Variants in PCDHGB3 observed in about 807,000 individuals in gnomAD.
PCDHGB3 encodes the protein protocadherin gamma-B3.
In PCDHGB3, 40 loss-of-function variants were observed where a neutral mutation model predicts 59.2. The ratio of observed to expected loss-of-function variants is 0.68; its 90% CI spans 0.52 to 0.88. PCDHGB3 has a LOEUF of 0.88. Among genes scored for constraint, PCDHGB3 ranks in the 40% least tolerant of loss-of-function variants. PCDHGB3 has a pLI of 0.00. For synonymous variants in PCDHGB3, 581 were observed against 503.6 expected, an observed-to-expected ratio of 1.15 and a Z score of -2.06; for missense variants, 1,309 against 1,187.9, an observed-to-expected ratio of 1.10 and a Z score of -1.50.
At chr5:141,399,148 C>T (rs2150776580) in intron 1 of PCDHGB3, 2 of 1,613,684 alleles carry the variant, frequency 1.2e-6, no homozygotes, top group Non-Finnish European at 1.7e-6. Context: ...TGACAATAGC[C>T]CAGAAGTTAC....
intron 1 of PCDHGB3, chr5:141,430,886 T>C: frequency 6.2e-7 from 1 of 1,605,190 alleles, no homozygotes; most frequent in Non-Finnish European, 8.5e-7. Context: ...GGAGAAAGGC[T>C]CTAGGGTGGG....
At chr5:141,376,299 A>T (rs1314928354) in intron 1 of PCDHGB3, 2 of 1,614,164 alleles carry the variant, frequency 1.2e-6, no homozygotes, top group Non-Finnish European at 1.7e-6. Flanking sequence ...CCCGGCTCGC[A>T]CTTTGTGGGC....
At position 141,491,682 on chromosome 5, in the gene PCDHGB3, G is replaced by A. The variant is rs11952292; in HGVS notation, c.2416-3125G>A. The A allele has an allele frequency of 1.9e-6, 3 of 1,613,150 alleles. No individual in the cohort carries two copies. Among genetic ancestry groups the A allele is most frequent in the South Asian group, 1.1e-5 (1 of 91,046 alleles). On this transcript the variant is annotated intron_variant, in intron 1 of 3. Coordinates refer to ENST00000576222, the MANE Select transcript of PCDHGB3 (RefSeq NM_018924.5). The surrounding 1 kb of genome is among the most constrained non-coding windows in gnomAD (Gnocchi z 6.9). Reference sequence around the variant, plus strand: ...ACGCCATCCGGTCCCGCTCTAATACGCTGCGGGAGCGGAGCCAGGTGAGGG... The same window carrying A: ...ACGCCATCCGGTCCCGCTCTAATACACTGCGGGAGCGGAGCCAGGTGAGGG...
At position 141,384,652 on chromosome 5, in the gene PCDHGB3, G is replaced by A. The variant is rs372721131; in HGVS notation, c.2415+11843G>A. ...GCTGGCACCCCGCTCCGCAGAGCCC[G>A]GCTACCTGGTGACCAAGGTGGTGGC... On this transcript the variant is annotated intron_variant, in intron 1 of 3. Coordinates refer to ENST00000576222, the MANE Select transcript of PCDHGB3 (RefSeq NM_018924.5). The A allele has an allele frequency of 7.4e-6, 12 of 1,614,110 alleles. No homozygotes were observed. The South Asian group carries it at 1.1e-4, about 15-fold the overall frequency.
At chr5:141,400,015 G>T (rs747874428) in intron 1 of PCDHGB3, 6 of 1,612,768 alleles carry the variant, frequency 3.7e-6, no homozygotes, top group Non-Finnish European at 4.2e-6. Flanking sequence ...TGCCTTGGGC[G>T]ACAGGGACGC....
Position 141,384,336 on chromosome 5 carries a change from C to T in PCDHGB3, c.2415+11527C>T, listed in dbSNP as rs1779973302. On this transcript the variant is annotated intron_variant, in intron 1 of 3. Transcript: ENST00000576222. ...TTTTCTTAGTGACTGCACAGGACCA[C>T]GACAGTGAGGATAATGCCCAGATCA... 9 of 1,613,748 alleles carry T rather than the reference C, an allele frequency of 5.6e-6. No homozygotes were observed. The East Asian group carries it at 1.1e-4, about 20-fold the overall frequency.
intron 1 of PCDHGB3, chr5:141,396,168 T>C (rs2093349513): frequency 2.0e-5 from 3 of 152,184 alleles, no homozygotes; most frequent in Admixed American, 2.0e-4. Flanking sequence ...AGTTATTCAG[T>C]CTTGGCTGGA....
Position 141,477,968 on chromosome 5 carries a change from C to T in PCDHGB3, c.2416-16839C>T. 6.2e-7 allele frequency: 1 copy of T among 1,614,140 alleles called. No individual in the cohort carries two copies. Among genetic ancestry groups the T allele is most frequent in the Non-Finnish European group, 8.5e-7 (1 of 1,180,042 alleles). The stretch of plus-strand genomic sequence containing the variant: ...TCTCTTGGGATCCCCTAACCAGAGC[C>T]TTTTTGCCATAGGGCTGCACACTGG... On this transcript the variant is annotated intron_variant, in intron 1 of 3. Transcript: ENST00000576222. The surrounding 1 kb of genome is among the most constrained non-coding windows in gnomAD (Gnocchi z 4.9).
chr5:141,398,009 C>G (rs1589315775), intron 1 of PCDHGB3: 1 of 1,400,564 alleles, frequency 7.1e-7, no homozygotes, highest in Non-Finnish European at 9.5e-7. Context: ...GAAAAAGAAT[C>G]GTTTCCTAAA....
chr5:141,403,100 A>G (rs1295654527), intron 1 of PCDHGB3: 5 of 1,613,992 alleles, frequency 3.1e-6, no homozygotes, highest in Non-Finnish European at 4.2e-6. Flanking sequence ...CAACATCTCC[A>G]AGGACCTGGC....
intron 1 of PCDHGB3, among the ~76,000 whole-genome samples, chr5:141,459,691 C>T (rs754899227): frequency 3.9e-5 from 6 of 152,158 alleles, no homozygotes; most frequent in East Asian, 1.9e-4. Flanking sequence ...TAAAGCGTTC[C>T]GCTTGCTACA....
Position 141,398,972 on chromosome 5 carries a change from A to G in PCDHGB3, c.2415+26163A>G, listed in dbSNP as rs191593174. 31 of 1,613,974 alleles carry G rather than the reference A, an allele frequency of 1.9e-5. No homozygotes were observed. In the South Asian group the frequency reaches 2.5e-4, roughly 13 times the overall value. The stretch of plus-strand genomic sequence containing the variant: ...AACTCAGAAATTACTTATTCCTTCT[A>G]CAGAACCGGGCAAATCTTTAGTCTG... On this transcript the variant is annotated intron_variant, in intron 1 of 3. Transcript: ENST00000576222.
chr5:141,384,609 T>A (rs967686346), intron 1 of PCDHGB3: 5 of 1,614,148 alleles, frequency 3.1e-6, no homozygotes, highest in African/African-American at 1.3e-5. Flanking sequence ...TCCCCACAGA[T>A]GGTTCTACTG....
Position 141,476,646 on chromosome 5 carries a change from A to G in PCDHGB3, c.2416-18161A>G, listed in dbSNP as rs771366262. 1.9e-6 allele frequency: 3 copies of G among 1,614,132 alleles called. No homozygotes were observed. The highest frequency in any genetic ancestry group is 1.7e-5 in the Admixed American group (1 of 60,010). ...TTACAAACCTATGAGCTGAGCCGAA[A>G]TGAATACTTTGCGCTTCGCGTGCAG... On this transcript the variant is annotated intron_variant, in intron 1 of 3. Transcript: ENST00000576222. This position sits in a 1 kb window ranked among gnomAD's most constrained non-coding sequence, Gnocchi z 7.6.
Position 141,486,799 on chromosome 5 carries a change from C to A in PCDHGB3, c.2416-8008C>A. The A allele has an allele frequency of 6.2e-7, 1 of 1,614,220 alleles. No individual in the cohort carries two copies. Among genetic ancestry groups the A allele is most frequent in the African/African-American group, 1.3e-5 (1 of 75,060 alleles). ...AGGTGCAGGCCCGGGATCGGGGCAA[C>A]CCACCCCTTAGCAGCACTGTAACAG... On this transcript the variant is annotated intron_variant, in intron 1 of 3. Coordinates refer to ENST00000576222, the MANE Select transcript of PCDHGB3 (RefSeq NM_018924.5). This position sits in a 1 kb window ranked among gnomAD's most constrained non-coding sequence, Gnocchi z 5.0.
At chr5:141,480,398 G>C (rs2099518275) in intron 1 of PCDHGB3, among the ~76,000 whole-genome samples, 1 of 149,050 alleles carries the variant, frequency 6.7e-6, no homozygotes, top group Non-Finnish European at 1.5e-5. Context: ...CATGGCAATA[G>C]AGTGAGACCC....
chr5:141,487,275 G>T lies in PCDHGB3; in HGVS notation c.2416-7532G>T, dbSNP rs747253888. 2.5e-6 allele frequency: 4 copies of T among 1,614,158 alleles called. No homozygotes were observed. The highest frequency in any genetic ancestry group is 1.1e-5 in the South Asian group (1 of 91,074). On this transcript the variant is annotated intron_variant, in intron 1 of 3. Coordinates refer to ENST00000576222, the MANE Select transcript of PCDHGB3 (RefSeq NM_018924.5). The surrounding 1 kb of genome is among the most constrained non-coding windows in gnomAD (Gnocchi z 5.0). ...TTGGCTGTGTCCCTAGTGGCAATTT[G>T]CTTTGTCTCCTTTGGCTCATTCGTG...
chr5:141,490,200 A>G lies in PCDHGB3; in HGVS notation c.2416-4607A>G. 6.2e-6 allele frequency: 10 copies of G among 1,614,198 alleles called. No homozygotes were observed. The highest frequency in any genetic ancestry group is 8.5e-6 in the Non-Finnish European group (10 of 1,180,032). ...AGTCACGTTTCTATGAAATTCATGC[A>G]AGAGCCCGTGACCAGGGACAGCCTG... On this transcript the variant is annotated intron_variant, in intron 1 of 3. Coordinates refer to ENST00000576222, the MANE Select transcript of PCDHGB3 (RefSeq NM_018924.5). The surrounding 1 kb of genome is among the most constrained non-coding windows in gnomAD (Gnocchi z 5.4).
chr5:141,491,795 C>G lies in PCDHGB3; in HGVS notation c.2416-3012C>G. The G allele has an allele frequency of 6.6e-7, 1 of 1,511,694 alleles. No individual in the cohort carries two copies. The highest frequency in any genetic ancestry group is 8.8e-7 in the Non-Finnish European group (1 of 1,130,430). The allele number at this position is 1,511,694 out of a possible 1,614,324, so 93.6% of individuals were successfully genotyped here. On this transcript the variant is annotated intron_variant, in intron 1 of 3. Transcript: ENST00000576222. The surrounding 1 kb of genome is among the most constrained non-coding windows in gnomAD (Gnocchi z 6.9). ...GGATTGAACTTGCATCCACTCCTCT[C>G]CGGCCGGCTTGGTCGCTGGCTGCGC...
Sources: gnomAD v4.1 joint callset for allele counts (sites outside exome capture counted in the v4.1 genomes callset) on GRCh38, gnomAD v4.1.1 for gene constraint, Gnocchi (gnomAD v3.1) non-coding constraint, MANE v1.5 for transcripts, NCBI Gene and HGNC (gene_info 2026-07-23, HGNC 2026-07-21) for gene names.